The following MICAL3 variants were observed in gnomAD, a reference collection of about 807,000 sequenced individuals.
The protein encoded by MICAL3 is [F-actin]-monooxygenase MICAL3.
Under a neutral mutation model 207.4 loss-of-function variants are expected in MICAL3, and 62 were observed. The ratio of observed to expected loss-of-function variants is 0.30; its 90% confidence interval spans 0.24 to 0.37. The LOEUF (loss-of-function observed/expected upper bound fraction) is 0.37. MICAL3 is among the 10% of genes least tolerant of loss of function. The pLI, the probability that MICAL3 is intolerant of heterozygous loss-of-function variation, is 1.00. For synonymous variants in MICAL3, 1,077 were observed against 1,069.3 expected (o/e 1.01, Z -0.14); for missense variants, 2,368 against 2,635.6 (o/e 0.90, Z 2.22).
At position 17,964,138 on chromosome 22, in the gene MICAL3, G is replaced by C. The variant is rs991092841; in HGVS notation, c.-74-57252C>G. ...TTACAAACAAAGGATTCAAAATGGT[G>C]TTACTACTGGAGCTGGAATTCCGTG... On this transcript the variant is annotated intron_variant, in intron 1 of 31. Transcript: ENST00000441493. Among the ~76,000 whole-genome samples, 4 of 152,242 alleles carry C rather than the reference G, an allele frequency of 2.6e-5. No individual in the cohort carries two copies. In the South Asian group the frequency reaches 8.3e-4, roughly 32 times the overall value.
chr22:17,911,446 G>T (rs968508790), intron 1 of MICAL3, among the ~76,000 whole-genome samples: 2 of 152,158 alleles, frequency 1.3e-5, no homozygotes, highest in African/African-American at 4.8e-5. Flanking sequence ...ACCAGCGAAC[G>T]TGCAAATTTC....
At chr22:17,916,114 C>T (rs972177382) in intron 1 of MICAL3, among the ~76,000 whole-genome samples, 10 of 137,654 alleles carry the variant, frequency 7.3e-5, no homozygotes, top group Middle Eastern at 3.8e-3. Context: ...AACCAAAAAA[C>T]GAAAACACAA....
chr22:17,860,131 G>A (rs1294527719), intron 19 of MICAL3: 1 of 888,474 alleles, frequency 1.1e-6, no homozygotes, highest in Non-Finnish European at 1.3e-6. Context: ...CAAGAGAAAG[G>A]GAAGGAAAAG....
intron 16 of MICAL3, among the ~76,000 whole-genome samples, chr22:17,874,284 G>A (rs1569107340): frequency 6.6e-6 from 1 of 152,062 alleles, no homozygotes; most frequent in African/African-American, 2.4e-5. Context: ...CCTTCTTTAG[G>A]GACACTAAAG....
intron 25 of MICAL3, among the ~76,000 whole-genome samples, chr22:17,820,932 A>ATAAATTTATGTTTATAAACATAAATTT (rs1921546362): frequency 2.8e-5 from 4 of 141,898 alleles, no homozygotes; most frequent in African/African-American, 8.1e-5. Context: ...ATAAATTTTA[A>ATAAATTTATGTTTATAAACATAAATTT]TAAATTTATG....
At chr22:17,820,955 A>T (rs945281017) in intron 25 of MICAL3, among the ~76,000 whole-genome samples, 1 of 142,188 alleles carries the variant, frequency 7.0e-6, no homozygotes, top group Non-Finnish European at 1.5e-5. Context: ...TATAAACATA[A>T]ATTTTAATAA....
At chr22:17,998,744 A>T (rs2007946) in intron 1 of MICAL3, among the ~76,000 whole-genome samples, 1 of 151,498 alleles carries the variant, frequency 6.6e-6, no homozygotes, top group African/African-American at 2.4e-5. Context: ...TAGTACAAAC[A>T]GGGTTTCACC....
At chr22:17,911,561 G>C (rs111787565) in intron 1 of MICAL3, among the ~76,000 whole-genome samples, 8,818 of 152,182 alleles carry the variant, frequency 0.058, 603 homozygotes, top group African/African-American at 0.17. Context: ...GGCCAGGTGA[G>C]GTGGCTCATG....
intron 19 of MICAL3, among the ~76,000 whole-genome samples, chr22:17,854,729 T>A (rs568971132): frequency 1.8e-4 from 27 of 152,322 alleles, no homozygotes; most frequent in Admixed American, 3.9e-4. Flanking sequence ...GGAGGGCACC[T>A]GCACATCCCC....
chr22:17,890,534 C>T (rs149487647), intron 12 of MICAL3, among the ~76,000 whole-genome samples: 2 of 152,288 alleles, frequency 1.3e-5, no homozygotes, highest in African/African-American at 4.8e-5. Flanking sequence ...TCTGGGTGAG[C>T]TAAGTGACAG....
At chr22:18,012,485 C>T (rs972331453) in intron 1 of MICAL3, among the ~76,000 whole-genome samples, 11 of 152,102 alleles carry the variant, frequency 7.2e-5, no homozygotes, top group Admixed American at 6.6e-4. Context: ...TAGTGGTGGG[C>T]GGGGGGCCTG....
At chr22:17,810,639 G>A in intron 28 of MICAL3, 64 bp downstream of exon 28, 1 of 1,308,080 alleles carries the variant, frequency 7.6e-7, no homozygotes, top group Non-Finnish European at 1.1e-6. Context: ...GCAGCTGGGT[G>A]GATAGGGAGA....
chr22:17,912,210 T>C (rs922314450), intron 1 of MICAL3, among the ~76,000 whole-genome samples: 1 of 152,182 alleles, frequency 6.6e-6, no homozygotes, highest in African/African-American at 2.4e-5. Context: ...TGCCTTTATG[T>C]CAGTACCACA....
chr22:17,800,236 A>G (rs2061923766), intron 29 of MICAL3, among the ~76,000 whole-genome samples: 1 of 152,200 alleles, frequency 6.6e-6, no homozygotes, highest in African/African-American at 2.4e-5. Flanking sequence ...GAGACATATA[A>G]ATCAAGAGAT....
chr22:17,956,069 G>A (rs956607059), intron 1 of MICAL3, among the ~76,000 whole-genome samples: 1 of 152,194 alleles, frequency 6.6e-6, no homozygotes, highest in Non-Finnish European at 1.5e-5. Context: ...TGAAATTCCT[G>A]GTCTTATAGG....
rs765069054 is a variant in MICAL3, at chr22:17,901,025, A to G, written c.692-28T>C. The G allele has an allele frequency of 5.0e-6, 8 of 1,611,318 alleles. No individual in the cohort carries two copies. In the African/African-American group the frequency reaches 9.3e-5, roughly 19 times the overall value. ...GGAGGGAAATAAATTTTCAGAGGTG[A>G]TAATCATTGGCTAGAGAAGGAAGAT... On this transcript the variant is annotated intron_variant, in intron 5 of 31. Transcript: ENST00000441493.
intron 1 of MICAL3, among the ~76,000 whole-genome samples, chr22:17,913,339 G>A (rs1157113306): frequency 6.6e-6 from 1 of 152,204 alleles, no homozygotes; most frequent in Admixed American, 6.5e-5. Context: ...GAGGTGACGA[G>A]GGTAGGATGG....
rs1440126757 is a variant in MICAL3, at chr22:17,893,889, C to T, written c.1465G>A (p.Asp489Asn). 6.4e-7 allele frequency: 1 copy of T among 1,558,912 alleles called. No individual in the cohort carries two copies. Among genetic ancestry groups the T allele is most frequent in the South Asian group, 1.2e-5 (1 of 84,594 alleles). The part of the protein sequence containing the change: ...LRPSQVRHLY[D>N]TGETKDIHLE... ...TGAATATCTTTTGTTTCGCCAGTAT[C>T]ATATAAATGGCGCACCTGGCAGAAA... Residue 489 changes from aspartate to asparagine, a missense_variant, in exon 11 of 32, where the codon GAT (aspartate) becomes AAT (asparagine). Transcript: ENST00000441493.
intron 15 of MICAL3, 98 bp from the exon 16 acceptor site, chr22:17,886,149 T>TGG: frequency 7.6e-7 from 1 of 1,310,252 alleles, no homozygotes; most frequent in Non-Finnish European, 1.1e-6. Flanking sequence ...GCATGGGGGC[T>TGG]GGTGGACTGG....
Sources: allele counts gnomAD v4.1 joint callset (sites outside exome capture counted in the v4.1 genomes callset), GRCh38; gene constraint gnomAD v4.1.1; transcripts MANE v1.5; gene names NCBI Gene and HGNC (gene_info 2026-07-23, HGNC 2026-07-21).